The following PEAK1 variants were observed in gnomAD, a reference collection of about 807,000 sequenced individuals.
PEAK1 encodes the protein inactive tyrosine-protein kinase PEAK1.
A neutral mutation model predicts 124.7 loss-of-function variants in PEAK1; 54 were observed. The ratio of observed to expected loss-of-function variants is 0.43; its 90% CI spans 0.35 to 0.54. The LOEUF is 0.54. Ranked by LOEUF, PEAK1 falls within the 20% of genes least tolerant of loss-of-function variation. The pLI is 0.01. For missense variants in PEAK1, 2,046 were observed against 2,134.5 expected, an observed-to-expected ratio of 0.96 and a Z score of 0.82; for synonymous variants, 719 against 760.0, an observed-to-expected ratio of 0.95 and a Z score of 0.89.
At chr15:77,151,590 C>CTA (rs1157952380) in intron 8 of PEAK1, among the ~76,000 whole-genome samples, 2 of 152,128 alleles carry the variant, frequency 1.3e-5, no homozygotes, top group African/African-American at 2.4e-5. Context: ...TTACCCATGC[C>CTA]TATGTCCTGA....
intron 9 of PEAK1, among the ~76,000 whole-genome samples, chr15:77,131,625 C>T (rs1199704801): frequency 6.6e-6 from 1 of 152,204 alleles, no homozygotes; most frequent in African/African-American, 2.4e-5. Context: ...AGATCTTAAT[C>T]TCATAAAGTT....
In PEAK1 at chr15:77,269,728, T is replaced by C. The variant is rs150047502; in HGVS notation, c.-275+14155A>G. Among the ~76,000 whole-genome samples the C allele has an allele frequency of 4.8e-3, 731 of 152,248 alleles. 4 individuals carry two copies. Among genetic ancestry groups the C allele is most frequent in the African/African-American group, 0.016 (677 of 41,562 alleles). Reference sequence around the variant, plus strand: ...ATGGAACATTCTCCAAGACAGACCATATGACAGGCCACAAACTCTCAACAA... The same window carrying C: ...ATGGAACATTCTCCAAGACAGACCACATGACAGGCCACAAACTCTCAACAA... On this transcript the variant is annotated intron_variant, in intron 5 of 9. Coordinates refer to ENST00000682557, the MANE Select transcript of PEAK1 (RefSeq NM_001385026.1).
chr15:77,275,291 C>T (rs888758809), intron 5 of PEAK1, among the ~76,000 whole-genome samples: 1 of 152,154 alleles, frequency 6.6e-6, no homozygotes, highest in African/African-American at 2.4e-5. Context: ...CCAAACACCA[C>T]CTGTTCCCCC....
intron 1 of PEAK1, among the ~76,000 whole-genome samples, chr15:77,411,849 T>A (rs968136564): frequency 1.3e-5 from 2 of 152,070 alleles, no homozygotes; most frequent in Non-Finnish European, 2.9e-5. Flanking sequence ...TGGCCTCAAG[T>A]GATCCTCCCG....
intron 1 of PEAK1, chr15:77,371,002 C>T (rs1478738881): frequency 2.5e-6 from 2 of 805,702 alleles, no homozygotes; most frequent in African/African-American, 1.9e-5. Context: ...TGCACTCCAG[C>T]CTGGCAACAG....
At chr15:77,154,533 G>C (rs879139324) in intron 8 of PEAK1, among the ~76,000 whole-genome samples, 1 of 152,188 alleles carries the variant, frequency 6.6e-6, no homozygotes, top group Non-Finnish European at 1.5e-5. Flanking sequence ...TCATTATGAT[G>C]TTAGCTGGTT....
chr15:77,409,110 T>C (rs763197739), intron 1 of PEAK1, among the ~76,000 whole-genome samples: 1 of 152,042 alleles, frequency 6.6e-6, no homozygotes, highest in Non-Finnish European at 1.5e-5. Flanking sequence ...AGTGGTACCA[T>C]GGCATCTTCC....
At position 77,178,773 on chromosome 15, in the gene PEAK1, C is replaced by T. The variant is rs1480278253; in HGVS notation, c.3137+17G>A. On this transcript the variant is annotated intron_variant, in intron 7 of 9. Coordinates refer to ENST00000682557, the MANE Select transcript of PEAK1 (RefSeq NM_001385026.1). ...GTGTTAAAAAATTCCCATATTCTTCCAGTCTATTTTACATACCTGAGAATC... is the reference window on the plus strand; with the variant it reads ...GTGTTAAAAAATTCCCATATTCTTCTAGTCTATTTTACATACCTGAGAATC... The T allele has an allele frequency of 1.9e-6, 3 of 1,592,940 alleles. No homozygotes were observed. The highest frequency in any genetic ancestry group is 1.3e-5 in the African/African-American group (1 of 74,244).
chr15:77,237,932 T>C (rs1040750961), intron 6 of PEAK1, among the ~76,000 whole-genome samples: 1 of 152,208 alleles, frequency 6.6e-6, no homozygotes, highest in African/African-American at 2.4e-5. Context: ...GTGCTCCTTG[T>C]AAACAGCAAA....
At chr15:77,393,042 G>C (rs925160411) in intron 1 of PEAK1, among the ~76,000 whole-genome samples, 12 of 152,216 alleles carry the variant, frequency 7.9e-5, no homozygotes, top group Admixed American at 5.9e-4. Context: ...AGACCAGGCA[G>C]AACTCAGCTG....
At chr15:77,177,857 C>T (rs1262358549) in intron 7 of PEAK1, 6 of 152,002 alleles carry the variant, frequency 3.9e-5, no homozygotes, top group Non-Finnish European at 5.9e-5. Flanking sequence ...TGAATGATTA[C>T]AAGTGAGAAT....
intron 2 of PEAK1, chr15:77,332,129 A>C (rs950257545): frequency 2.2e-6 from 2 of 889,714 alleles, no homozygotes. Context: ...ATCTCAAAAA[A>C]ATATAAAAAT....
chr15:77,338,382 T>C (rs1290082042), intron 2 of PEAK1, among the ~76,000 whole-genome samples: 1 of 152,156 alleles, frequency 6.6e-6, no homozygotes. Context: ...ATTGCACAGA[T>C]TATCTGATGA....
At chr15:77,216,697 A>G (rs1265951147) in intron 6 of PEAK1, among the ~76,000 whole-genome samples, 1 of 152,246 alleles carries the variant, frequency 6.6e-6, no homozygotes, top group Non-Finnish European at 1.5e-5. Context: ...ACTCATGATT[A>G]GCAGCAGAAA....
chr15:77,379,570 T>C (rs1453665821), intron 1 of PEAK1, among the ~76,000 whole-genome samples: 2 of 152,066 alleles, frequency 1.3e-5, no homozygotes, highest in African/African-American at 2.4e-5. Context: ...ATCCAATATA[T>C]AGAGATTCAG....
intron 6 of PEAK1, among the ~76,000 whole-genome samples, chr15:77,212,851 T>C (rs2058967911): frequency 2.6e-5 from 4 of 152,346 alleles, no homozygotes; most frequent in Admixed American, 2.6e-4. Flanking sequence ...TTTCTAGCTC[T>C]TTTACAAAAC....
At chr15:77,185,965 G>A (rs1181145546) in intron 6 of PEAK1, among the ~76,000 whole-genome samples, 1 of 152,186 alleles carries the variant, frequency 6.6e-6, no homozygotes, top group Non-Finnish European at 1.5e-5. Context: ...GAAAGACCCA[G>A]AACTGGGACT....
intron 1 of PEAK1, among the ~76,000 whole-genome samples, chr15:77,368,291 G>A (rs571570778): frequency 2.0e-5 from 3 of 152,014 alleles, no homozygotes; most frequent in Admixed American, 6.6e-5. Flanking sequence ...CAAGGCGGGC[G>A]GATCACCTGA....
At chr15:77,227,961 G>A (rs557823237) in intron 6 of PEAK1, among the ~76,000 whole-genome samples, 9 of 151,818 alleles carry the variant, frequency 5.9e-5, no homozygotes, top group Non-Finnish European at 8.8e-5. Flanking sequence ...ACATCACTGC[G>A]CTCCAGCCTG....
Sources: gnomAD v4.1 joint callset for allele counts (sites outside exome capture counted in the v4.1 genomes callset) on GRCh38, gnomAD v4.1.1 for gene constraint, MANE v1.5 for transcripts, NCBI Gene and HGNC (gene_info 2026-07-23, HGNC 2026-07-21) for gene names.